NAALADL2: variants seen among roughly 807,000 people sequenced by gnomAD.
NAALADL2 encodes inactive N-acetylated-alpha-linked acidic dipeptidase-like protein 2.
Under a neutral mutation model 87.2 loss-of-function variants are expected in NAALADL2, and 76 were observed. The observed-to-expected ratio is 0.87, with a 90% CI of 0.72 to 1.05. NAALADL2 has a LOEUF of 1.05. Among genes scored for constraint, NAALADL2 ranks in the 50% least tolerant of loss-of-function variants. The pLI is 0.00. For synonymous variants in NAALADL2, 354 were observed against 331.0 expected, an observed-to-expected ratio of 1.07 and a Z score of -0.75; for missense variants, 1,089 against 945.8, an observed-to-expected ratio of 1.15 and a Z score of -1.99.
At chr3:175,529,538 A>G (rs1266437560) in intron 9 of NAALADL2, among the ~76,000 whole-genome samples, 1 of 152,190 alleles carries the variant, frequency 6.6e-6, no homozygotes, top group African/African-American at 2.4e-5. Context: ...ATAAGAGCAT[A>G]CATGGCCTTC....
At chr3:175,486,644 G>A (rs150888396) in intron 9 of NAALADL2, among the ~76,000 whole-genome samples, 9 of 152,228 alleles carry the variant, frequency 5.9e-5, no homozygotes, top group Admixed American at 1.3e-4. Context: ...TCTCTAGAAT[G>A]AAACTTTTTA....
chr3:175,594,411 G>A (rs560902213), intron 10 of NAALADL2, among the ~76,000 whole-genome samples: 1 of 152,172 alleles, frequency 6.6e-6, no homozygotes, highest in South Asian at 2.1e-4. Context: ...CGGTACCTAG[G>A]TTAATTCCAT....
chr3:175,015,474 A>G (rs1750693127), intron 1 of NAALADL2, among the ~76,000 whole-genome samples: 1 of 152,072 alleles, frequency 6.6e-6, no homozygotes, highest in African/African-American at 2.4e-5. Flanking sequence ...ACTTTTTTTT[A>G]TCTTCTTGCC....
intron 1 of NAALADL2, among the ~76,000 whole-genome samples, chr3:174,995,522 T>A (rs1182081161): frequency 6.6e-6 from 1 of 152,202 alleles, no homozygotes; most frequent in African/African-American, 2.4e-5. Context: ...TCTGTTCTTT[T>A]GTGTTGATGA....
At chr3:174,601,459 T>G (rs1052313362) in intron 2 of NAALADL2, among the ~76,000 whole-genome samples, 10 of 152,210 alleles carry the variant, frequency 6.6e-5, no homozygotes, top group African/African-American at 2.4e-4. Flanking sequence ...AAGTATCTAT[T>G]CAGATCTTTT....
chr3:174,570,211 CTTTGTT>C (rs1714765902), intron 2 of NAALADL2, among the ~76,000 whole-genome samples: 1 of 150,224 alleles, frequency 6.7e-6, no homozygotes, highest in African/African-American at 2.4e-5. Flanking sequence ...TTTATTTATG[CTTTGTT>C]TTATACCCAT....
At chr3:175,112,440 T>C (rs114937548) in intron 2 of NAALADL2, 33 of 151,826 alleles carry the variant, frequency 2.2e-4, no homozygotes, top group Middle Eastern at 3.4e-3. Flanking sequence ...TTCTGCTTTA[T>C]AAGTAAGTCC....
intron 1 of NAALADL2, among the ~76,000 whole-genome samples, chr3:174,885,876 GTTTTTTTTTTTTTT>G (rs60403770): frequency 6.6e-4 from 67 of 101,686 alleles, no homozygotes; most frequent in Middle Eastern, 6.9e-3. Context: ...AGTCCGAGTT[GTTTTTTTTTTTTTT>G]TTTTTTTTTT....
chr3:174,573,958 T>C (rs1417639334), intron 2 of NAALADL2, among the ~76,000 whole-genome samples: 2 of 152,208 alleles, frequency 1.3e-5, no homozygotes, highest in Non-Finnish European at 2.9e-5. Flanking sequence ...AGGGAAGAGA[T>C]GTACACGTTT....
intron 9 of NAALADL2, among the ~76,000 whole-genome samples, chr3:175,474,514 G>A (rs1010103099): frequency 2.5e-4 from 38 of 152,206 alleles, no homozygotes; most frequent in African/African-American, 5.8e-4. Flanking sequence ...TAGTCTTATC[G>A]CTCAAGTCAC....
chr3:175,044,802 A>T (rs1046187999), intron 1 of NAALADL2, among the ~76,000 whole-genome samples: 3 of 152,056 alleles, frequency 2.0e-5, no homozygotes, highest in Admixed American at 2.0e-4. Context: ...AGTATCTTTC[A>T]CTTCTGAGTC....
rs184036367 is a variant in NAALADL2 at position 175,149,004 on chromosome 3, A to C, written c.545+51713A>C. Among the ~76,000 whole-genome samples the C allele has an allele frequency of 1.7e-3, 262 of 152,296 alleles. 1 individual carries two copies. The Middle Eastern group carries it at 0.024, about 14-fold the overall frequency. ...TGTGAAAAATAATATTTCTAGTTTC[A>C]TAGGAATAACATTGAATCTATAGAT... is the stretch of plus-strand genomic sequence containing the variant. On this transcript the variant is annotated intron_variant, in intron 2 of 13. Transcript: ENST00000454872.
At chr3:174,900,915 C>G (rs1732229710) in intron 1 of NAALADL2, among the ~76,000 whole-genome samples, 1 of 151,874 alleles carries the variant, frequency 6.6e-6, no homozygotes, top group East Asian at 1.9e-4. Flanking sequence ...GACTCTTTAA[C>G]CTAAATTTAT....
chr3:174,504,007 A>G (rs996501294), intron 1 of NAALADL2, among the ~76,000 whole-genome samples: 1 of 152,104 alleles, frequency 6.6e-6, no homozygotes, highest in Admixed American at 6.5e-5. Flanking sequence ...ATTTTTGCAT[A>G]TTATTCTAGA....
At chr3:174,781,522 A>G (rs772827674) in intron 3 of NAALADL2, among the ~76,000 whole-genome samples, 8 of 151,906 alleles carry the variant, frequency 5.3e-5, no homozygotes, top group Non-Finnish European at 1.2e-4. Context: ...TAGCAAGACA[A>G]TATGTTAAAT....
chr3:174,903,842 TATC>T lies in NAALADL2; in HGVS notation c.43+44406_43+44408del, dbSNP rs139854729. Among the ~76,000 whole-genome samples, 1,162 of 151,904 alleles carry T rather than the reference TATC, an allele frequency of 7.6e-3. 23 individuals carry two copies. The highest frequency in any genetic ancestry group is 0.027 in the African/African-American group (1,135 of 41,468). Reference sequence around the variant, plus strand: ...ATTAAAACTTTTTCACAGTCATTTTTATCATCATCATCATCACCTATAAATGTA... The same window carrying T: ...ATTAAAACTTTTTCACAGTCATTTTTATCATCATCATCACCTATAAATGTA... On this transcript the variant is annotated intron_variant, in intron 1 of 13. Coordinates refer to ENST00000454872, the MANE Select transcript of NAALADL2 (RefSeq NM_207015.3).
chr3:175,185,746 A>G (rs530547883), intron 2 of NAALADL2, among the ~76,000 whole-genome samples: 87 of 149,896 alleles, frequency 5.8e-4, no homozygotes, highest in Middle Eastern at 7.0e-3. Context: ...TTTTTATATA[A>G]TTATTTTATA....
At chr3:175,330,126 A>T (rs1761220585) in intron 5 of NAALADL2, among the ~76,000 whole-genome samples, 6 of 152,234 alleles carry the variant, frequency 3.9e-5, no homozygotes, top group Admixed American at 3.9e-4. Flanking sequence ...TTCCACAAAA[A>T]TCCATGATGA....
At chr3:175,078,137 G>T (rs924657913) in intron 1 of NAALADL2, among the ~76,000 whole-genome samples, 3 of 151,440 alleles carry the variant, frequency 2.0e-5, no homozygotes. Flanking sequence ...CAATTCCCCT[G>T]CCTCAGCCTC....
Sources: allele counts gnomAD v4.1 joint callset (sites outside exome capture counted in the v4.1 genomes callset), GRCh38; gene constraint gnomAD v4.1.1; transcripts MANE v1.5; gene names NCBI Gene and HGNC (gene_info 2026-07-23, HGNC 2026-07-21).